Variants in RTN4 observed in about 807,000 individuals in gnomAD.
The protein encoded by RTN4 is reticulon-4.
Under a neutral mutation model 90.4 loss-of-function variants are expected in RTN4, and 32 were observed. The observed-to-expected ratio is 0.35, with a 90% CI of 0.27 to 0.48. The LOEUF is 0.48. Ranked by LOEUF, RTN4 falls within the 20% of genes least tolerant of loss-of-function variation. The pLI is 0.99. For missense variants in RTN4, 1,706 were observed against 1,430.2 expected (o/e 1.19, Z -3.11); for synonymous variants, 629 against 552.5 (o/e 1.14, Z -1.94).
intron 2 of RTN4, among the ~76,000 whole-genome samples, chr2:55,078,189 A>T (rs1241849819): frequency 3.3e-5 from 5 of 152,274 alleles, no homozygotes; most frequent in Admixed American, 2.6e-4. Context: ...TAAAAAAAAA[A>T]TTTAAAAGAA....
chr2:55,068,210 T>C (rs951863787), intron 2 of RTN4, among the ~76,000 whole-genome samples: 3 of 152,216 alleles, frequency 2.0e-5, no homozygotes, highest in African/African-American at 7.2e-5. Context: ...TGATTTGCAG[T>C]GTGGAATCTG....
chr2:55,112,144 A>G (rs1033710857), intron 1 of RTN4, among the ~76,000 whole-genome samples: 3 of 152,340 alleles, frequency 2.0e-5, no homozygotes, highest in African/African-American at 2.4e-5. Context: ...GAGCGTGTTC[A>G]GGACTATATG....
Position 55,049,887 on chromosome 2 carries a change from C to A in RTN4, c.414G>T (p.Glu138Asp). 7.6e-7 allele frequency: 1 copy of A among 1,321,562 alleles called. No homozygotes were observed. The highest frequency in any genetic ancestry group is 2.0e-5 in the South Asian group (1 of 49,086). The allele number at this position is 1,321,562 out of a possible 1,614,324, so 81.9% of individuals were successfully genotyped here. ...VSPSKLPEDDEPPARPPPPPP... is the reference protein window; with the variant it reads ...VSPSKLPEDDDPPARPPPPPP... ...GAGGAGGGGGAGGCCGGGCCGGAGG[C>A]TCGTCGTCCTCAGGGAGCTTGGAGG... Residue 138 changes from glutamate (E) to aspartate (D), a missense_variant, in exon 1 of 9, where the codon GAG (glutamate) becomes GAT (aspartate). Coordinates refer to ENST00000337526, the MANE Select transcript of RTN4 (RefSeq NM_020532.5).
upstream of RTN4, chr2:55,112,758 G>C (rs1283681158): frequency 1.3e-5 from 2 of 152,288 alleles, no homozygotes; most frequent in Non-Finnish European, 2.9e-5. Context: ...CATCAAAAGA[G>C]AGTTGGGGAT....
intron 3 of RTN4, 43 bp downstream of exon 3, chr2:55,025,043 A>C: frequency 6.5e-7 from 1 of 1,543,866 alleles, no homozygotes. Flanking sequence ...CCCTAAATCC[A>C]AAAGTGGCAT....
At position 55,112,518 on chromosome 2, in the gene RTN4, A is replaced by C. The variant is rs376211589; in HGVS notation, c.-214+2T>G. The C allele has an allele frequency of 2.0e-5, 3 of 152,176 alleles. No homozygotes were observed. Among genetic ancestry groups the C allele is most frequent in the Non-Finnish European group, 4.4e-5 (3 of 68,072 alleles). The allele number at this position is 152,176 out of a possible 1,614,324, so 9.4% of individuals were successfully genotyped here. On this transcript the variant is annotated splice_donor_variant, in intron 1 of 3. Coordinates refer to the RTN4 transcript ENST00000427710. LOFTEE classifies it low-confidence loss of function (5UTR_SPLICE). ...GGAAAGAATAGGAAGCTCCACACTG[A>C]CCTCTAAGCTTTTTATAGAGAAGCA...
intron 3 of RTN4, among the ~76,000 whole-genome samples, chr2:55,016,322 C>T (rs1263812675): frequency 6.6e-6 from 1 of 152,134 alleles, no homozygotes. Context: ...CTGGTTCATG[C>T]CTTTAATCCC....
At chr2:55,062,777 T>G (rs1668323763) in intron 2 of RTN4, among the ~76,000 whole-genome samples, 1 of 152,232 alleles carries the variant, frequency 6.6e-6, no homozygotes, top group Non-Finnish European at 1.5e-5. Context: ...ATGAATGTCC[T>G]TTATCATTAG....
At chr2:55,014,575 T>A (rs55993793) in intron 3 of RTN4, 38,980 of 151,364 alleles carry the variant, frequency 0.26, 5,595 homozygotes, top group Non-Finnish European at 0.33. Context: ...TGGAATGCAG[T>A]GGCACGATCT....
At chr2:54,982,936 T>C (rs1678261433) in intron 4 of RTN4, among the ~76,000 whole-genome samples, 1 of 152,204 alleles carries the variant, frequency 6.6e-6, no homozygotes, top group African/African-American at 2.4e-5. Context: ...GCAAAGTTAT[T>C]TATTCTTCCC....
intron 1 of RTN4, among the ~76,000 whole-genome samples, chr2:55,042,101 G>T (rs1319232515): frequency 1.3e-5 from 2 of 151,940 alleles, no homozygotes; most frequent in African/African-American, 4.8e-5. Context: ...AAATTTAAAA[G>T]AACAATTTGC....
intron 2 of RTN4, among the ~76,000 whole-genome samples, chr2:55,076,900 G>C (rs1479779457): frequency 6.6e-6 from 1 of 152,024 alleles, no homozygotes; most frequent in Non-Finnish European, 1.5e-5. Context: ...AAAAGGACAT[G>C]TTTGCCTCCC....
chr2:54,985,256 TTCTAGCAATTTTCTTAGC>T (rs994060731), intron 4 of RTN4, among the ~76,000 whole-genome samples: 4 of 143,884 alleles, frequency 2.8e-5, no homozygotes, highest in Non-Finnish European at 6.0e-5. Context: ...AACTCCTGGG[TTCTAGCAATTTTCTTAGC>T]TCAGCTGCCT....
chr2:54,998,499 T>C (rs1174056691), intron 3 of RTN4, among the ~76,000 whole-genome samples: 1 of 152,194 alleles, frequency 6.6e-6, no homozygotes, highest in African/African-American at 2.4e-5. Context: ...CGCTTTAGAC[T>C]TAACATTTAT....
chr2:55,062,088 CAG>C (rs1174772263), intron 2 of RTN4, among the ~76,000 whole-genome samples: 2 of 152,128 alleles, frequency 1.3e-5, no homozygotes, highest in South Asian at 2.1e-4. Context: ...ACCGGCAGAA[CAG>C]AGTTTGGCCA....
intron 1 of RTN4, among the ~76,000 whole-genome samples, chr2:55,044,859 T>C (rs2104957108): frequency 7.0e-6 from 1 of 142,550 alleles, no homozygotes; most frequent in African/African-American, 2.6e-5. Flanking sequence ...TGAAACATAA[T>C]TCACCATATC....
At position 55,050,050 on chromosome 2, in the gene RTN4, T is replaced by A; in HGVS notation, c.251A>T (p.Asp84Val). 7.1e-7 allele frequency: 1 copy of A among 1,414,536 alleles called. No homozygotes were observed. Among genetic ancestry groups the A allele is most frequent in the Non-Finnish European group, 9.2e-7 (1 of 1,090,792 alleles). The allele number at this position is 1,414,536 out of a possible 1,614,324, so 87.6% of individuals were successfully genotyped here. Residue 84 changes from aspartate (D) to valine (V), a missense_variant, in exon 1 of 9, where the codon GAC (aspartate) becomes GTC (valine). Transcript: ENST00000337526. The surrounding 1 kb of genome is among the most constrained non-coding windows in gnomAD (Gnocchi z 4.6). ...AGAPLMDFGN[D>V]FVPPAPRGPL... is the part of the protein sequence containing the mutation. ...TCCCCGGGGCGCCGGCGGCACGAAG[T>A]CATTTCCGAAGTCCATCAGGGGCGC...
chr2:55,006,525 A>G (rs944269744), intron 3 of RTN4, among the ~76,000 whole-genome samples: 2 of 152,188 alleles, frequency 1.3e-5, no homozygotes, highest in Admixed American at 6.6e-5. Context: ...AAGAATCTCT[A>G]CACGGAAGTA....
At chr2:54,984,633 G>T (rs1678404161) in intron 4 of RTN4, among the ~76,000 whole-genome samples, 1 of 152,180 alleles carries the variant, frequency 6.6e-6, no homozygotes, top group Admixed American at 6.5e-5. Context: ...ACATTTATGT[G>T]ATATTAATAC....
Sources: gnomAD v4.1 joint callset for allele counts (sites outside exome capture counted in the v4.1 genomes callset) on GRCh38, gnomAD v4.1.1 for gene constraint, Gnocchi (gnomAD v3.1) non-coding constraint, MANE v1.5 for transcripts, NCBI Gene and HGNC (gene_info 2026-07-23, HGNC 2026-07-21) for gene names.